The following LARGE1 variants were observed in gnomAD, a reference collection of about 807,000 sequenced individuals.
LARGE1 encodes xylosyl- and glucuronyltransferase LARGE1.
Under a neutral mutation model 87.6 loss-of-function variants are expected in LARGE1, and 43 were observed. The observed-to-expected ratio is 0.49, with a 90% CI of 0.38 to 0.63. The LOEUF (loss-of-function observed/expected upper bound fraction) is 0.63, where lower values mean the gene tolerates loss of function less well. LARGE1 is among the 30% of genes least tolerant of loss of function. The pLI, the probability that LARGE1 is intolerant of heterozygous loss-of-function variation, is 0.00. For missense variants in LARGE1, 802 were observed against 1,000.2 expected (o/e 0.80, Z 2.67); for synonymous variants, 434 against 394.6 (o/e 1.10, Z -1.18).
chr22:33,861,403 C>G (rs2063915385), intron 1 of LARGE1, among the ~76,000 whole-genome samples: 2 of 149,434 alleles, frequency 1.3e-5, no homozygotes, highest in South Asian at 4.2e-4. Context: ...CACACACAAA[C>G]ACACACACAC....
intron 11 of LARGE1, among the ~76,000 whole-genome samples, chr22:33,177,219 G>A (rs1010775101): frequency 3.9e-5 from 6 of 152,078 alleles, no homozygotes; most frequent in African/African-American, 1.4e-4. Flanking sequence ...ATGGGTTGAT[G>A]GGTGCAGCAA....
Position 33,679,734 on chromosome 22 carries a change from C to T in LARGE1, c.107-29066G>A, listed in dbSNP as rs79687677. On this transcript the variant is annotated intron_variant, in intron 2 of 14. Transcript: ENST00000397394. ...GCAGGCTCCTGTAATCTCAGCTATT[C>T]GGGAGGCTGAGGCAGGAGAATTGCT... Among the ~76,000 whole-genome samples the T allele has an allele frequency of 2.9e-3, 444 of 152,076 alleles. 8 individuals are homozygous for T. In the East Asian group the frequency reaches 0.048, roughly 16 times the overall value.
At chr22:33,176,416 G>T (rs540315169) in intron 11 of LARGE1, among the ~76,000 whole-genome samples, 1 of 152,132 alleles carries the variant, frequency 6.6e-6, no homozygotes, top group East Asian at 1.9e-4. Flanking sequence ...ATGACAAAGG[G>T]CTAATATCCA....
chr22:33,452,273 G>A lies in LARGE1; in HGVS notation c.788-20008C>T, dbSNP rs367619437. On this transcript the variant is annotated intron_variant, in intron 6 of 14. Coordinates refer to ENST00000397394, the MANE Select transcript of LARGE1 (RefSeq NM_133642.5). The stretch of plus-strand genomic sequence containing the variant: ...ATGCTACAAAAAGGAAAGGAGATAA[G>A]GGGACACAGCAAGGGTGCAGGGTGA... Among the ~76,000 whole-genome samples, 759 of 152,324 alleles carry A rather than the reference G, an allele frequency of 5.0e-3. 10 individuals are homozygous for A. Among genetic ancestry groups the A allele is most frequent in the African/African-American group, 0.015 (644 of 41,580 alleles).
At chr22:33,899,523 A>G (rs1272637046) in intron 1 of LARGE1, among the ~76,000 whole-genome samples, 1 of 152,216 alleles carries the variant, frequency 6.6e-6, no homozygotes, top group Non-Finnish European at 1.5e-5. Flanking sequence ...TTTGCCTGGA[A>G]GCATGACAGC....
the LARGE1 span, among the ~76,000 whole-genome samples, chr22:33,127,891 TGA>T: frequency 3.3e-5 from 5 of 152,202 alleles, no homozygotes; most frequent in African/African-American, 4.8e-5. Context: ...TGAAATTTGT[TGA>T]GTTTCTTGGC....
rs200074908 is a variant in LARGE1, at chr22:33,264,889, C to CTTTTT, written c.1730+39335_1730+39339dup. ...CTCCCCTTTGACATCTGATCAAATT[C>CTTTTT]TTTTTTTTTTTTTTTTTTTTTTTTG... On this transcript the variant is annotated intron_variant, in intron 11 of 11. Transcript: ENST00000608642. 1.8e-3 allele frequency among the ~76,000 whole-genome samples: 135 copies of CTTTTT among 74,372 alleles called. 7 individuals carry two copies. Among genetic ancestry groups the CTTTTT allele is most frequent in the Admixed American group, 2.2e-3 (10 of 4,568 alleles). The allele number at this position is 74,372 out of a possible 152,430, so 48.8% of individuals were successfully genotyped here.
At chr22:33,392,005 A>G in intron 7 of LARGE1, among the ~76,000 whole-genome samples, 1 of 151,790 alleles carries the variant, frequency 6.6e-6, no homozygotes, top group Non-Finnish European at 1.5e-5. Flanking sequence ...TCCTGACCTC[A>G]TGATCCACCT....
intron 6 of LARGE1, among the ~76,000 whole-genome samples, chr22:33,508,302 C>G (rs911037958): frequency 6.6e-6 from 1 of 152,186 alleles, no homozygotes; most frequent in East Asian, 1.9e-4. Flanking sequence ...GCACTGGGAA[C>G]GAGTAAAACA....
At chr22:33,208,141 C>G (rs757887785) in intron 11 of LARGE1, among the ~76,000 whole-genome samples, 1 of 152,058 alleles carries the variant, frequency 6.6e-6, no homozygotes, top group Admixed American at 6.6e-5. Flanking sequence ...ATCACCAACA[C>G]GTCTATTTAC....
chr22:33,254,342 G>GA (rs1927153255), intron 11 of LARGE1, among the ~76,000 whole-genome samples: 1 of 152,108 alleles, frequency 6.6e-6, no homozygotes, highest in Non-Finnish European at 1.5e-5. Flanking sequence ...TAGGACAGCT[G>GA]GCAGTCTTTG....
At chr22:33,605,060 T>C (rs1315715936) in intron 4 of LARGE1, among the ~76,000 whole-genome samples, 1 of 151,516 alleles carries the variant, frequency 6.6e-6, no homozygotes, top group East Asian at 2.0e-4. Flanking sequence ...GATGGAGTCA[T>C]CGGGAGCTCC....
chr22:33,161,899 T>A (rs1245528824), downstream of LARGE1, among the ~76,000 whole-genome samples: 2 of 152,236 alleles, frequency 1.3e-5, no homozygotes, highest in Non-Finnish European at 2.9e-5. Context: ...CTAAAGCATT[T>A]CAAGAACCAC....
At chr22:33,328,187 C>G (rs904052463) in intron 10 of LARGE1, among the ~76,000 whole-genome samples, 1 of 152,162 alleles carries the variant, frequency 6.6e-6, no homozygotes, top group African/African-American at 2.4e-5. Context: ...TTTAAATAGT[C>G]GTAGAGAGAC....
At position 33,694,706 on chromosome 22, in the gene LARGE1, T is replaced by C. The variant is rs569969853; in HGVS notation, c.107-44038A>G. Reference sequence around the variant, plus strand: ...CATACACATACATGGAGAGAGAAGGTGTGGAGAGACAGGAGGGGGAAGGGA... The same window carrying C: ...CATACACATACATGGAGAGAGAAGGCGTGGAGAGACAGGAGGGGGAAGGGA... On this transcript the variant is annotated intron_variant, in intron 2 of 14. Coordinates refer to ENST00000397394, the MANE Select transcript of LARGE1 (RefSeq NM_133642.5). Among the ~76,000 whole-genome samples the C allele has an allele frequency of 2.0e-4, 31 of 151,976 alleles. No individual in the cohort carries two copies. The South Asian group carries it at 6.5e-3, about 32-fold the overall frequency.
At chr22:33,678,561 T>C (rs994138018) in intron 2 of LARGE1, among the ~76,000 whole-genome samples, 2 of 152,188 alleles carry the variant, frequency 1.3e-5, no homozygotes, top group African/African-American at 2.4e-5. Context: ...TTCTCCATTC[T>C]AGTGGTTCTT....
intron 1 of LARGE1, among the ~76,000 whole-genome samples, chr22:33,806,365 C>T (rs548696858): frequency 6.6e-6 from 1 of 152,294 alleles, no homozygotes; most frequent in Admixed American, 6.5e-5. Context: ...AAGCTGCAGT[C>T]CAAAAGTCTG....
chr22:33,368,284 A>G (rs1049452240), intron 9 of LARGE1, among the ~76,000 whole-genome samples: 4 of 152,218 alleles, frequency 2.6e-5, no homozygotes, highest in African/African-American at 9.6e-5. Context: ...TAATCCCAGC[A>G]CTTTGGGAGG....
chr22:33,894,172 T>C (rs2065075218), intron 1 of LARGE1, among the ~76,000 whole-genome samples: 1 of 152,010 alleles, frequency 6.6e-6, no homozygotes, highest in African/African-American at 2.4e-5. Context: ...AGGCTGTGTC[T>C]TCTCTACTTC....
Sources: gnomAD v4.1 joint callset for allele counts (sites outside exome capture counted in the v4.1 genomes callset) on GRCh38, gnomAD v4.1.1 for gene constraint, MANE v1.5 for transcripts, NCBI Gene and HGNC (gene_info 2026-07-23, HGNC 2026-07-21) for gene names.